The following PRAMEF27 variants were observed in gnomAD, a reference collection of about 807,000 sequenced individuals.
PRAMEF27 encodes PRAME family member 27.
PRAMEF27 carries 5 observed loss-of-function variants against 21.0 expected under a neutral mutation model. The ratio of observed to expected loss-of-function variants is 0.24; its 90% CI spans 0.12 to 0.50. The LOEUF is 0.50. PRAMEF27 is among the 20% of genes least tolerant of loss of function. The pLI is 0.98. For synonymous variants in PRAMEF27, 61 were observed against 211.2 expected, an observed-to-expected ratio of 0.29 and a Z score of 6.17; for missense variants, 138 against 541.4, an observed-to-expected ratio of 0.25 and a Z score of 7.39.
chr1:13,053,380 C>T lies in PRAMEF27; in HGVS notation c.280G>A (p.Gly94Arg). The change falls in exon 2 of 4, where the codon GGG becomes AGG. Residue 94 changes from glycine (G) to arginine (R), a missense_variant. By Grantham distance (125) the Gly-to-Arg change is moderately radical. Coordinates refer to ENST00000436041, the MANE Select transcript of PRAMEF27 (RefSeq NM_001300891.2). ...GGGCCACCTCACCTGGGACAAACCC[C>T]TTGGGTAAGCAGTGCATCAAGCCCA... ...LDGLDALLTQ[G>R]VCPRRWKLQV... 1 of 1,484,804 alleles carries T rather than the reference C, an allele frequency of 6.7e-7. No individual in the cohort carries two copies. The highest frequency in any genetic ancestry group is 8.9e-7 in the Non-Finnish European group (1 of 1,124,102). 92.0% of individuals were successfully genotyped at this position (1,484,804 alleles called of 1,614,324 possible).
Position 13,053,535 on chromosome 1 carries a change from A to T in PRAMEF27, c.125T>A (p.Phe42Tyr). The change falls in exon 2 of 4, where the codon TTC becomes TAC. Residue 42 changes from phenylalanine to tyrosine, a missense_variant. Phe to Tyr is a conservative substitution (Grantham distance 22). Transcript: ENST00000436041. Reference protein sequence around the residue: ...ELPTELFPPLFMEAFSRRCCE... With the variant: ...ELPTELFPPLYMEAFSRRCCE... ...GCATCTCCTGCTGAAGGCCTCCATG[A>T]ACAGTGGGGGGAAAAGTTCTGTGGG... The T allele has an allele frequency of 6.6e-7, 1 of 1,516,032 alleles. No homozygotes were observed. The highest frequency in any genetic ancestry group is 8.8e-7 in the Non-Finnish European group (1 of 1,134,972). The allele number at this position is 1,516,032 out of a possible 1,614,324, so 93.9% of individuals were successfully genotyped here. A position where few individuals can be genotyped will look rare whatever the true frequency, so the allele number is the denominator to read the frequency against.
intron 1 of PRAMEF27, chr1:13,055,519 G>C (rs1333360384): frequency 7.6e-6 from 1 of 132,258 alleles, no homozygotes; most frequent in African/African-American, 3.2e-5. Context: ...GCATGCTTCA[G>C]CCTTCCACGT....
At chr1:13,055,585 G>C (rs1372625063) in intron 1 of PRAMEF27, 2 of 149,282 alleles carry the variant, frequency 1.3e-5, no homozygotes, top group East Asian at 4.0e-4. Flanking sequence ...GGGTGGAAGA[G>C]GATGTGATTG....
At chr1:13,053,762 T>C in intron 1 of PRAMEF27, 87 bp from the exon 2 acceptor site, 5 of 1,469,962 alleles carry the variant, frequency 3.4e-6, no homozygotes, top group Non-Finnish European at 4.5e-6. Context: ...AACTCACTGC[T>C]CTGGCAATGG....
chr1:13,049,853 G>T lies in PRAMEF27; in HGVS notation c.1392C>A (p.Gly464=). Reference sequence around the variant, plus strand: ...CCTCCAGGTCATAAAATGACCTGTTGCCACAGTCAGGGCAGTTATCAATAC... The same window carrying T: ...CCTCCAGGTCATAAAATGACCTGTTTCCACAGTCAGGGCAGTTATCAATAC... ...FFCIDNCPDC[G]NRSFYDLEAD... The change falls in exon 4 of 4, where the codon GGC becomes GGA. Residue 464 remains glycine, a synonymous_variant. Transcript: ENST00000436041. 7.1e-7 allele frequency: 1 copy of T among 1,413,508 alleles called. No individual in the cohort carries two copies. Among genetic ancestry groups the T allele is most frequent in the Non-Finnish European group, 9.3e-7 (1 of 1,079,258 alleles). The allele number at this position is 1,413,508 out of a possible 1,614,324, so 87.6% of individuals were successfully genotyped here.
intron 1 of PRAMEF27, chr1:13,055,306 G>T (rs1268400261): frequency 5.7e-5 from 2 of 35,044 alleles, no homozygotes; most frequent in African/African-American, 3.7e-4. Context: ...ATATTTCAGA[G>T]TTAAAACAGT....
intron 1 of PRAMEF27, chr1:13,056,062 CA>C (rs1207060849): frequency 1.7e-5 from 2 of 115,956 alleles, no homozygotes; most frequent in Non-Finnish European, 3.2e-5. Flanking sequence ...TCTCCACCCT[CA>C]AAAAAAACGT....
Position 13,053,571 on chromosome 1 carries a change from A to C in PRAMEF27, c.89T>G (p.Leu30Arg), listed in dbSNP as rs1642226511. 6.3e-7 allele frequency: 1 copy of C among 1,584,582 alleles called. No homozygotes were observed. The highest frequency in any genetic ancestry group is 2.3e-5 in the East Asian group (1 of 44,314). ...GAAAAGTTCTGTGGGCAGCTCCTCC[A>C]GGGTGGACATGGCCAAGGCTTGGTC... The part of the protein sequence containing the change: ...LRDQALAMST[L>R]EELPTELFPP... Residue 30 changes from leucine to arginine, a missense_variant, in exon 2 of 4, where the codon CTG (leucine) becomes CGG (arginine). By Grantham distance (102) the Leu-to-Arg change is moderately radical (BLOSUM62 -2). Coordinates refer to ENST00000436041, the MANE Select transcript of PRAMEF27 (RefSeq NM_001300891.2).
rs1378775711 is a variant in PRAMEF27 at position 13,053,373 on chromosome 1, C to T, written c.287G>A (p.Cys96Tyr). The change falls in exon 2 of 4, where the codon TGT (cysteine) becomes TAT (tyrosine). Residue 96 changes from cysteine to tyrosine, a missense_variant. Coordinates refer to ENST00000436041, the MANE Select transcript of PRAMEF27 (RefSeq NM_001300891.2). The part of the protein sequence containing the change: ...GLDALLTQGV[C>Y]PRRWKLQVLD... The stretch of plus-strand genomic sequence containing the variant: ...CCCACCTGGGCCACCTCACCTGGGA[C>T]AAACCCCTTGGGTAAGCAGTGCATC... 4.7e-6 allele frequency: 7 copies of T among 1,482,688 alleles called. No individual in the cohort carries two copies. Among genetic ancestry groups the T allele is most frequent in the Admixed American group, 3.7e-5 (2 of 53,568 alleles). The allele number at this position is 1,482,688 out of a possible 1,614,324, so 91.8% of individuals were successfully genotyped here. A position where few individuals can be genotyped will look rare whatever the true frequency, so the allele number is the denominator to read the frequency against.
chr1:13,053,829 G>A (rs1297379350), intron 1 of PRAMEF27, 154 bp from the exon 2 acceptor site: 11 of 1,076,218 alleles, frequency 1.0e-5, no homozygotes, highest in Non-Finnish European at 1.4e-5. Context: ...CATTAAGCCA[G>A]CATTGTGCCT....
chr1:13,053,454 C>G lies in PRAMEF27; in HGVS notation c.206G>C (p.Arg69Thr). 1 of 1,516,520 alleles carries G rather than the reference C, an allele frequency of 6.6e-7. No homozygotes were observed. Among genetic ancestry groups the G allele is most frequent in the Non-Finnish European group, 8.7e-7 (1 of 1,143,954 alleles). The allele number at this position is 1,516,520 out of a possible 1,614,324, so 93.9% of individuals were successfully genotyped here. A position where few individuals can be genotyped will look rare whatever the true frequency, so the allele number is the denominator to read the frequency against. ...CAGACAAGGCATCTTTATCAGAGGC[C>G]TCAGAGGGAGGCGGCGGAAGGGCCA... ...QAWPFRRLPL[R>T]PLIKMPCLEA... Residue 69 changes from arginine (R) to threonine (T), a missense_variant, in exon 2 of 4, where the codon AGG (arginine) becomes ACG (threonine). Coordinates refer to ENST00000436041, the MANE Select transcript of PRAMEF27 (RefSeq NM_001300891.2).
chr1:13,053,867 A>C, intron 1 of PRAMEF27, 192 bp from the exon 2 acceptor site: 1 of 811,924 alleles, frequency 1.2e-6, no homozygotes, highest in Non-Finnish European at 1.7e-6. Context: ...GCGTCTCCGA[A>C]GCAGTGAGGA....
rs1388591268 is a variant in PRAMEF27, at chr1:13,055,508, C to T, written c.-17+906G>A. 2.5e-5 allele frequency: 3 copies of T among 118,332 alleles called. No homozygotes were observed. The South Asian group carries it at 1.0e-3, about 41-fold the overall frequency. 7.3% of individuals were successfully genotyped at this position (118,332 alleles called of 1,614,324 possible). On this transcript the variant is annotated intron_variant, in intron 1 of 3. Transcript: ENST00000436041. ...GATTGCCTCCAAGATTCAAGCAATT[C>T]GCATGCTTCAGCCTTCCACGTAGCT...
At position 13,056,489 on chromosome 1, in the gene PRAMEF27, G is replaced by T. The variant is rs1642248219; in HGVS notation, c.-92C>A. 7.9e-6 allele frequency: 1 copy of T among 126,562 alleles called. No individual in the cohort carries two copies. The highest frequency in any genetic ancestry group is 1.5e-5 in the Non-Finnish European group (1 of 64,954). 7.8% of individuals were successfully genotyped at this position (126,562 alleles called of 1,614,324 possible). Reference sequence around the variant, plus strand: ...AGGAACTCCAGGCTTGAAGACTTTGGGTCTCTCCTGTGGGTCTTTAGAAGC... The same window carrying T: ...AGGAACTCCAGGCTTGAAGACTTTGTGTCTCTCCTGTGGGTCTTTAGAAGC... On this transcript the variant is annotated 5_prime_UTR_variant, in exon 1 of 4. Transcript: ENST00000436041.
chr1:13,051,808 C>T, intron 3 of PRAMEF27: 1 of 504,534 alleles, frequency 2.0e-6, no homozygotes, highest in South Asian at 2.7e-5. Context: ...TTTTCATCAT[C>T]TTAACTTAGA....
intron 1 of PRAMEF27, 177 bp from the exon 2 acceptor site, chr1:13,053,852 C>T (rs1284218752): frequency 3.2e-6 from 3 of 923,210 alleles, no homozygotes; most frequent in Non-Finnish European, 4.4e-6. Context: ...GCTGCATCAG[C>T]ATGAGCGTCT....
chr1:13,050,694 GC>G (rs1369241936), intron 3 of PRAMEF27: 15 of 496,468 alleles, frequency 3.0e-5, no homozygotes, highest in Non-Finnish European at 4.3e-5. Flanking sequence ...CCAAAAATTA[GC>G]CAGGTGTGGT....
chr1:13,054,023 C>T (rs1642231901), intron 1 of PRAMEF27: 1 of 323,220 alleles, frequency 3.1e-6, no homozygotes, highest in Admixed American at 5.5e-5. Flanking sequence ...ATGGGAGTGT[C>T]ACAAGCCTAC....
chr1:13,053,583 G>C lies in PRAMEF27; in HGVS notation c.77C>G (p.Ala26Gly), dbSNP rs1398341661. 6.7e-7 allele frequency: 1 copy of C among 1,487,106 alleles called. No individual in the cohort carries two copies. The highest frequency in any genetic ancestry group is 9.0e-7 in the Non-Finnish European group (1 of 1,106,378). The allele number at this position is 1,487,106 out of a possible 1,614,324, so 92.1% of individuals were successfully genotyped here. A position where few individuals can be genotyped will look rare whatever the true frequency, so the allele number is the denominator to read the frequency against. The change falls in exon 2 of 4, where the codon GCC becomes GGC. Residue 26 changes from alanine (A) to glycine (G), a missense_variant. Transcript: ENST00000436041. ...GRSLLRDQAL[A>G]MSTLEELPTE... ...GGGCAGCTCCTCCAGGGTGGACATG[G>C]CCAAGGCTTGGTCCCTCAGCAGGCT...
Sources: gnomAD v4.1 joint callset for allele counts on GRCh38, gnomAD v4.1.1 for gene constraint, MANE v1.5 for transcripts, NCBI Gene and HGNC (gene_info 2026-07-23, HGNC 2026-07-21) for gene names.